Variants in NRXN3 observed in about 807,000 individuals in gnomAD.
The protein encoded by NRXN3 is neurexin 3, also known as neurexin III.
NRXN3 carries 32 observed loss-of-function variants against 137.6 expected under a neutral mutation model. The observed-to-expected ratio is 0.23, with a 90% confidence interval of 0.18 to 0.31. The LOEUF is 0.31. Ranked by LOEUF, NRXN3 falls within the 10% of genes least tolerant of loss-of-function variation. The pLI is 1.00. For synonymous variants in NRXN3, 798 were observed against 784.5 expected (o/e 1.02, Z -0.29); for missense variants, 1,574 against 2,062.5 (o/e 0.76, Z 4.59).
At chr14:79,626,461 A>G (rs1488327064) in intron 16 of NRXN3, among the ~76,000 whole-genome samples, 3 of 151,128 alleles carry the variant, frequency 2.0e-5, no homozygotes, top group African/African-American at 7.3e-5. Context: ...ATTATTTCTA[A>G]TACTCAATGT....
chr14:78,326,291 C>T (rs959522295), intron 4 of NRXN3, among the ~76,000 whole-genome samples: 6 of 152,186 alleles, frequency 3.9e-5, no homozygotes, highest in African/African-American at 1.4e-4. Flanking sequence ...CAGTCCCACT[C>T]AGGGTTCTTT....
chr14:78,657,091 T>C (rs970863515), intron 6 of NRXN3, among the ~76,000 whole-genome samples: 1 of 142,604 alleles, frequency 7.0e-6, no homozygotes, highest in Non-Finnish European at 1.5e-5. Flanking sequence ...GGTGGTCCCC[T>C]GAGCTTCGGC....
intron 19 of NRXN3, among the ~76,000 whole-genome samples, chr14:79,783,865 T>C (rs1019804254): frequency 6.6e-6 from 1 of 152,172 alleles, no homozygotes; most frequent in Non-Finnish European, 1.5e-5. Flanking sequence ...TTTGCCTCTT[T>C]AGTAATCTCC....
At chr14:79,379,193 C>A (rs1218577065) in intron 15 of NRXN3, among the ~76,000 whole-genome samples, 1 of 152,076 alleles carries the variant, frequency 6.6e-6, no homozygotes, top group Non-Finnish European at 1.5e-5. Context: ...AGACCAATTT[C>A]TTTTCTTAAA....
chr14:79,015,064 G>A (rs768197131), intron 15 of NRXN3, among the ~76,000 whole-genome samples: 4 of 151,964 alleles, frequency 2.6e-5, no homozygotes, highest in Non-Finnish European at 4.4e-5. Flanking sequence ...GCCTGTCTTC[G>A]CAATGTCCCC....
At chr14:78,532,655 T>C (rs1213102055) in intron 4 of NRXN3, among the ~76,000 whole-genome samples, 1 of 152,112 alleles carries the variant, frequency 6.6e-6, no homozygotes, top group Non-Finnish European at 1.5e-5. Flanking sequence ...AGAATCATCT[T>C]TCCTGTGTTC....
intron 8 of NRXN3, among the ~76,000 whole-genome samples, chr14:78,777,799 G>A (rs1444011910): frequency 6.6e-6 from 1 of 152,158 alleles, no homozygotes; most frequent in Non-Finnish European, 1.5e-5. Flanking sequence ...GTCTCGTTCT[G>A]TCACCCAGGC....
chr14:79,196,309 C>A (rs912630558), intron 15 of NRXN3, among the ~76,000 whole-genome samples: 6 of 152,146 alleles, frequency 3.9e-5, no homozygotes, highest in African/African-American at 1.4e-4. Flanking sequence ...ATTTGGCTCA[C>A]AGTTCTGGAG....
intron 15 of NRXN3, among the ~76,000 whole-genome samples, chr14:79,060,854 C>T (rs2099673369): frequency 6.6e-6 from 1 of 151,972 alleles, no homozygotes; most frequent in African/African-American, 2.4e-5. Flanking sequence ...TATAATTTCT[C>T]TACTAGATTA....
intron 4 of NRXN3, among the ~76,000 whole-genome samples, chr14:78,618,796 C>T (rs1426138239): frequency 1.3e-5 from 2 of 152,154 alleles, no homozygotes; most frequent in Non-Finnish European, 2.9e-5. Flanking sequence ...TTAGTTGCAG[C>T]CACTGGTGGT....
At chr14:78,471,663 T>C (rs183199873) in intron 4 of NRXN3, among the ~76,000 whole-genome samples, 1 of 152,318 alleles carries the variant, frequency 6.6e-6, no homozygotes, top group Admixed American at 6.5e-5. Context: ...CTCTTGATCA[T>C]TACAACAGCC....
intron 17 of NRXN3, among the ~76,000 whole-genome samples, chr14:79,680,929 T>C (rs2098667075): frequency 6.6e-6 from 1 of 152,086 alleles, no homozygotes. Flanking sequence ...TTGGAGTCAA[T>C]CCCCACCTCA....
chr14:79,783,742 T>C (rs1360526284), intron 19 of NRXN3, among the ~76,000 whole-genome samples: 2 of 152,230 alleles, frequency 1.3e-5, no homozygotes, highest in Non-Finnish European at 2.9e-5. Context: ...GAATTTCCGT[T>C]GTCACACATT....
chr14:79,221,059 C>T (rs768371528), intron 15 of NRXN3, among the ~76,000 whole-genome samples: 12 of 152,096 alleles, frequency 7.9e-5, no homozygotes, highest in Non-Finnish European at 1.0e-4. Flanking sequence ...CAGCTTCATC[C>T]ATGTCCCTGC....
Position 79,861,401 on chromosome 14 carries a change from G to A in NRXN3, c.4153G>A (p.Glu1385Lys). The A allele has an allele frequency of 6.5e-7, 1 of 1,536,194 alleles. No homozygotes were observed. The highest frequency in any genetic ancestry group is 8.7e-7 in the Non-Finnish European group (1 of 1,146,934). ...GGYKAHAPKW[E>K]SKDFRPNKVS... ...CTACAAAGCACATGCGCCCAAGTGG[G>A]AATCCAAGGACTTTAGACCTAACAA... Residue 1385 changes from glutamate (E) to lysine (K), a missense_variant, in exon 21 of 21, where the codon GAA (glutamate) becomes AAA (lysine). Coordinates refer to ENST00000335750, the MANE Select transcript of NRXN3 (RefSeq NM_001330195.2). The surrounding 1 kb of genome is among the most constrained non-coding windows in gnomAD (Gnocchi z 5.4).
chr14:78,335,487 C>T (rs1228711379), intron 4 of NRXN3, among the ~76,000 whole-genome samples: 1 of 152,230 alleles, frequency 6.6e-6, no homozygotes, highest in Non-Finnish European at 1.5e-5. Flanking sequence ...TGGTGCCTTG[C>T]ACCTGGCAGG....
intron 15 of NRXN3, among the ~76,000 whole-genome samples, chr14:79,118,029 CAA>C (rs2054760141): frequency 6.6e-6 from 1 of 152,088 alleles, no homozygotes; most frequent in Non-Finnish European, 1.5e-5. Context: ...AGAACCATTT[CAA>C]AGATACAGGG....
At chr14:79,015,034 C>T (rs1057292951) in intron 15 of NRXN3, among the ~76,000 whole-genome samples, 1 of 152,182 alleles carries the variant, frequency 6.6e-6, no homozygotes, top group African/African-American at 2.4e-5. Flanking sequence ...TGCCTTCCCT[C>T]TGAGATTTGC....
chr14:78,966,242 C>A lies in NRXN3; in HGVS notation c.2613C>A (p.Asp871Glu). 1.2e-6 allele frequency: 2 copies of A among 1,614,172 alleles called. No homozygotes were observed. Among genetic ancestry groups the A allele is most frequent in the Non-Finnish European group, 1.7e-6 (2 of 1,180,028 alleles). ...ARFGLRNIIA[D>E]PVTFKTKSSY... ...TTGGACTGAGGAACATCATCGCTGA[C>A]CCTGTCACCTTTAAGACCAAGAGCA... Residue 871 changes from aspartate to glutamate, a missense_variant, in exon 12 of 21, where the codon GAC becomes GAA. This residue lies in a region of NRXN3 where 718 missense variants were observed against 887.6 expected (regional missense o/e 0.81). Transcript: ENST00000335750.
Sources: allele counts gnomAD v4.1 joint callset (sites outside exome capture counted in the v4.1 genomes callset), GRCh38; gene constraint gnomAD v4.1.1; regional missense constraint gnomAD v4.1.1; non-coding constraint Gnocchi (gnomAD v3.1); transcripts MANE v1.5; gene names NCBI Gene and HGNC (gene_info 2026-07-23, HGNC 2026-07-21).